FAM131B: variants seen among roughly 807,000 people sequenced by gnomAD.
FAM131B encodes the protein family with sequence similarity 131 member B, also known as protein FAM131B.
Under a neutral mutation model 42.0 loss-of-function variants are expected in FAM131B, and 19 were observed. That is an observed-to-expected ratio of 0.45 (90% CI 0.32 to 0.66). The LOEUF (loss-of-function observed/expected upper bound fraction) is 0.66, where lower values mean the gene tolerates loss of function less well. FAM131B is among the 30% of genes least tolerant of loss of function. The probability of loss-of-function intolerance (pLI) is 0.05; values close to 1 mark genes in which losing one functional copy is unlikely to be tolerated. For synonymous variants in FAM131B, 183 were observed against 177.6 expected, an observed-to-expected ratio of 1.03 and a Z score of -0.24; for missense variants, 370 against 468.4, an observed-to-expected ratio of 0.79 and a Z score of 1.94.
chr7:143,380,451 G>T, the FAM131B span: 1 of 985,316 alleles, frequency 1.0e-6, no homozygotes, highest in African/African-American at 1.7e-5. This position sits in a 1 kb window ranked among gnomAD's most constrained non-coding sequence, Gnocchi z 5.0. Context: ...TCTCCAAGAG[G>T]AGTGGGTCGT....
In FAM131B at chr7:143,358,993, T is replaced by C; in HGVS notation, c.300A>G (p.Thr100=). 6.2e-7 allele frequency: 1 copy of C among 1,613,992 alleles called. No individual in the cohort carries two copies. Among genetic ancestry groups the C allele is most frequent in the Non-Finnish European group, 8.5e-7 (1 of 1,180,020 alleles). The change falls in exon 5 of 7, where the codon ACA becomes ACG. Residue 100 remains threonine, a synonymous_variant. Coordinates refer to ENST00000443739, the MANE Select transcript of FAM131B (RefSeq NM_001031690.3). The surrounding 1 kb of genome is among the most constrained non-coding windows in gnomAD (Gnocchi z 4.7). The part of the protein sequence containing the change: ...GISRSMKDHV[T]KPTAMGQGRV... ...GGCCTTGCCCCATGGCTGTGGGCTT[T>C]GTCACATGGTCCTTCATGCTCCGTG...
chr7:143,372,264 T>A, the FAM131B span, among the ~76,000 whole-genome samples: 1 of 152,210 alleles, frequency 6.6e-6, no homozygotes, highest in South Asian at 2.1e-4. Flanking sequence ...AGAATTGGAC[T>A]CAGCCCAGGC....
At chr7:143,381,914 C>G in the FAM131B span, 2 of 913,930 alleles carry the variant, frequency 2.2e-6, no homozygotes, top group African/African-American at 3.4e-5. Flanking sequence ...AGCAGATGTT[C>G]TTACCTCATC....
chr7:143,357,242 C>T (rs776022165), intron 6 of FAM131B, 38 bp downstream of exon 6: 5 of 1,607,112 alleles, frequency 3.1e-6, no homozygotes, highest in Non-Finnish European at 4.3e-6. Flanking sequence ...GGGGAGGCCT[C>T]ATAGGCTCCA....
rs539449087 is a variant in FAM131B at position 143,360,435 on chromosome 7, G to A, written c.29-286C>T. 3.0e-4 allele frequency: 378 copies of A among 1,265,322 alleles called. 1 individual carries two copies. The highest frequency in any genetic ancestry group is 7.7e-4 in the South Asian group (45 of 58,440). The allele number at this position is 1,265,322 out of a possible 1,614,324, so 78.4% of individuals were successfully genotyped here. A position where few individuals can be genotyped will look rare whatever the true frequency, so the allele number is the denominator to read the frequency against. On this transcript the variant is annotated intron_variant, in intron 1 of 6. Transcript: ENST00000443739. ...GTTTTATCAGAAAACCAATTATTCC[G>A]TCCTGAGGACTCTTGGAGGGTTTCT...
At chr7:143,365,898 CA>C (rs1195897833), upstream of FAM131B, among the ~76,000 whole-genome samples, 2 of 152,178 alleles carry the variant, frequency 1.3e-5, no homozygotes, top group African/African-American at 4.8e-5. Context: ...CGTGAGCCAC[CA>C]CGCCTGGCTT....
intron 1 of FAM131B, chr7:143,360,698 G>A (rs1803922914): frequency 6.5e-6 from 1 of 153,498 alleles, no homozygotes; most frequent in African/African-American, 2.4e-5. Flanking sequence ...CCAAGGGTGA[G>A]CTGGAGGCAT....
chr7:143,381,336 G>A, the FAM131B span: 1 of 1,140,064 alleles, frequency 8.8e-7, no homozygotes, highest in Non-Finnish European at 1.1e-6. Context: ...GGCTGCTCCG[G>A]ACCGGGACGC....
Position 143,359,444 on chromosome 7 carries a change from G to A in FAM131B, c.175-25C>T. 6.4e-7 allele frequency: 1 copy of A among 1,566,114 alleles called. No homozygotes were observed. Among genetic ancestry groups the A allele is most frequent in the Non-Finnish European group, 8.8e-7 (1 of 1,137,380 alleles). On this transcript the variant is annotated intron_variant, in intron 3 of 6. Coordinates refer to ENST00000443739, the MANE Select transcript of FAM131B (RefSeq NM_001031690.3). The surrounding 1 kb of genome is among the most constrained non-coding windows in gnomAD (Gnocchi z 5.4). ...GCTGGGATGGGAATGTGGGAGGAAG[G>A]GCAGAGGAATAAGAAGGTACGGGCG...
chr7:143,382,002 G>C, the FAM131B span: 1 of 612,796 alleles, frequency 1.6e-6, no homozygotes, highest in Non-Finnish European at 2.8e-6. Flanking sequence ...CGGGAATGTG[G>C]GGCACGAATC....
At chr7:143,372,433 A>G in the FAM131B span, among the ~76,000 whole-genome samples, 1 of 152,248 alleles carries the variant, frequency 6.6e-6, no homozygotes, top group African/African-American at 2.4e-5. Flanking sequence ...GCACAAAAAG[A>G]GAATGACTAG....
chr7:143,371,124 C>A, the FAM131B span, among the ~76,000 whole-genome samples: 1 of 152,088 alleles, frequency 6.6e-6, no homozygotes, highest in Non-Finnish European at 1.5e-5. Context: ...ATTTAAGGAG[C>A]ACCTACCTAC....
At position 143,359,118 on chromosome 7, in the gene FAM131B, T is replaced by C; in HGVS notation, c.269-94A>G. On this transcript the variant is annotated intron_variant, in intron 4 of 6. Coordinates refer to ENST00000443739, the MANE Select transcript of FAM131B (RefSeq NM_001031690.3). This position sits in a 1 kb window ranked among gnomAD's most constrained non-coding sequence, Gnocchi z 5.4. ...TCCTCCCACCCCAGCCCCATGAGGC[T>C]CCATCCCACTGGGCCAGGCTCCCCT... is the stretch of plus-strand genomic sequence containing the variant. 1 of 1,317,200 alleles carries C rather than the reference T, an allele frequency of 7.6e-7. No homozygotes were observed. Among genetic ancestry groups the C allele is most frequent in the Admixed American group, 2.0e-5 (1 of 50,374 alleles). The allele number at this position is 1,317,200 out of a possible 1,614,324, so 81.6% of individuals were successfully genotyped here. A position where few individuals can be genotyped will look rare whatever the true frequency, so the allele number is the denominator to read the frequency against.
In FAM131B at chr7:143,359,628, G is replaced by A; in HGVS notation, c.174+104C>T. 8.7e-7 allele frequency: 1 copy of A among 1,151,362 alleles called. No homozygotes were observed. The highest frequency in any genetic ancestry group is 1.3e-5 in the South Asian group (1 of 75,958). 71.3% of individuals were successfully genotyped at this position (1,151,362 alleles called of 1,614,324 possible). The stretch of plus-strand genomic sequence containing the variant: ...GGTTGAGAACGTGAGTGCTCACAGT[G>A]CCTATTGGAGCCAGGGAATACCGTG... On this transcript the variant is annotated intron_variant, in intron 3 of 6. Transcript: ENST00000443739. This position sits in a 1 kb window ranked among gnomAD's most constrained non-coding sequence, Gnocchi z 5.4.
rs567848237 is a variant in FAM131B at position 143,355,702 on chromosome 7, C to A, written c.*848G>T. On this transcript the variant is annotated 3_prime_UTR_variant, in exon 7 of 7. Coordinates refer to ENST00000443739, the MANE Select transcript of FAM131B (RefSeq NM_001031690.3). The surrounding 1 kb of genome is among the most constrained non-coding windows in gnomAD (Gnocchi z 4.1). ...GGTGTCCCCACACCCTCCTCAGGCT[C>A]CCGGAGCAGGGATGGAAGAAAGCTG... 1.3e-5 allele frequency: 2 copies of A among 152,694 alleles called. No homozygotes were observed. Among genetic ancestry groups the A allele is most frequent in the Non-Finnish European group, 2.9e-5 (2 of 68,080 alleles). The allele number at this position is 152,694 out of a possible 1,614,324, so 9.5% of individuals were successfully genotyped here.
the FAM131B span, chr7:143,380,136 C>A: frequency 1.0e-6 from 1 of 985,134 alleles, no homozygotes; most frequent in South Asian, 4.7e-5. This position sits in a 1 kb window ranked among gnomAD's most constrained non-coding sequence, Gnocchi z 5.0. Flanking sequence ...AAATGAAGCG[C>A]CTACGGGTGC....
chr7:143,381,360 C>T, the FAM131B span: 4 of 1,156,054 alleles, frequency 3.5e-6, no homozygotes, highest in Non-Finnish European at 4.3e-6. Context: ...GTCTGCGGAC[C>T]CGGCGCCGAG....
At position 143,356,620 on chromosome 7, in the gene FAM131B, C is replaced by A. The variant is rs143238060; in HGVS notation, c.1013G>T (p.Arg338Leu). 5.6e-6 allele frequency: 9 copies of A among 1,613,988 alleles called. No individual in the cohort carries two copies. The highest frequency in any genetic ancestry group is 7.6e-6 in the Non-Finnish European group (9 of 1,179,992). ...TGAGGATGTGACGTCAGACACCTTC[C>A]GGCTGAGAGCGGTAGACATCTCAGG... ...EDPEMSTALS[R>L]KVSDVTSSGV... Residue 338 changes from arginine (R) to leucine (L), a missense_variant, in exon 7 of 7, where the codon CGG (arginine) becomes CTG (leucine). Transcript: ENST00000443739. This position sits in a 1 kb window ranked among gnomAD's most constrained non-coding sequence, Gnocchi z 4.4.
the FAM131B span, chr7:143,381,137 C>T: frequency 4.2e-6 from 4 of 952,806 alleles, no homozygotes; most frequent in Non-Finnish European, 5.0e-6. Context: ...GAGCGGACCT[C>T]GGCGGAGCCT....
Sources: allele counts gnomAD v4.1 joint callset (sites outside exome capture counted in the v4.1 genomes callset), GRCh38; gene constraint gnomAD v4.1.1; non-coding constraint Gnocchi (gnomAD v3.1); transcripts MANE v1.5; gene names NCBI Gene and HGNC (gene_info 2026-07-23, HGNC 2026-07-21).